Variants in SSH1 observed in about 807,000 individuals in gnomAD.
SSH1 encodes protein phosphatase Slingshot homolog 1.
Under a neutral mutation model 79.7 loss-of-function variants are expected in SSH1, and 43 were observed. The observed-to-expected ratio is 0.54, with a 90% CI of 0.42 to 0.70. SSH1 has a LOEUF of 0.70. Among genes scored for constraint, SSH1 ranks in the 30% least tolerant of loss-of-function variants. The pLI, the probability that SSH1 is intolerant of heterozygous loss-of-function variation, is 0.00. For synonymous variants in SSH1, 599 were observed against 538.3 expected (o/e 1.11, Z -1.56); for missense variants, 1,206 against 1,358.8 (o/e 0.89, Z 1.77).
intron 1 of SSH1, among the ~76,000 whole-genome samples, chr12:108,854,923 A>C (rs1420630747): frequency 2.0e-5 from 3 of 152,198 alleles, no homozygotes; most frequent in Non-Finnish European, 4.4e-5. Flanking sequence ...ACACATCTGA[A>C]CGAGGGCCTT....
intron 1 of SSH1, among the ~76,000 whole-genome samples, chr12:108,854,244 C>A (rs1215395149): frequency 6.6e-6 from 1 of 152,126 alleles, no homozygotes; most frequent in Non-Finnish European, 1.5e-5. Context: ...CAGGATGGTC[C>A]CCCCACAAGA....
At chr12:108,845,497 G>A (rs1224933823) in intron 2 of SSH1, among the ~76,000 whole-genome samples, 1 of 152,142 alleles carries the variant, frequency 6.6e-6, no homozygotes, top group Non-Finnish European at 1.5e-5. Flanking sequence ...AGACCAACCT[G>A]CCCGACATGA....
intron 2 of SSH1, among the ~76,000 whole-genome samples, chr12:108,850,664 G>A (rs535469924): frequency 1.1e-5 from 1 of 91,972 alleles, no homozygotes; most frequent in Admixed American, 1.1e-4. Context: ...GGATTGGGGA[G>A]GGATGGTTAG....
chr12:108,816,626 A>G (rs1039318386), intron 5 of SSH1, among the ~76,000 whole-genome samples: 2 of 152,142 alleles, frequency 1.3e-5, no homozygotes, highest in Admixed American at 6.5e-5. Context: ...GAGGCCCACC[A>G]ATCTCCATAC....
chr12:108,825,202 A>G (rs1244954262), intron 2 of SSH1, among the ~76,000 whole-genome samples: 1 of 152,236 alleles, frequency 6.6e-6, no homozygotes, highest in African/African-American at 2.4e-5. Context: ...AAGAAAAAGC[A>G]GTCTTCTAAT....
rs148368166 is a variant in SSH1, at chr12:108,813,506, G to T, written c.402-2178C>A. Among the ~76,000 whole-genome samples the T allele has an allele frequency of 3.8e-4, 57 of 151,470 alleles. No individual in the cohort carries two copies. In the East Asian group the frequency reaches 8.5e-3, roughly 23 times the overall value. On this transcript the variant is annotated intron_variant, in intron 5 of 14. Coordinates refer to ENST00000326495, the MANE Select transcript of SSH1 (RefSeq NM_018984.4). ...AGACAAGAGGACTGCTTGAGCCCAG[G>T]AGTTTGAGACCAGCCTGGGCAATAG...
intron 2 of SSH1, among the ~76,000 whole-genome samples, chr12:108,836,160 G>A (rs2038625065): frequency 6.6e-6 from 1 of 151,410 alleles, no homozygotes; most frequent in African/African-American, 2.4e-5. Context: ...TCATGAATAT[G>A]GAGAGACAAA....
chr12:108,809,583 C>T, intron 7 of SSH1, 110 bp downstream of exon 7: 3 of 929,530 alleles, frequency 3.2e-6, no homozygotes, highest in Non-Finnish European at 5.4e-6. Context: ...TTGCGCCTCC[C>T]TCAACATGCA....
At chr12:108,801,003 GAGAAA>G (rs2036977437) in intron 11 of SSH1, 77 bp from the exon 12 acceptor site, 7 of 1,460,474 alleles carry the variant, frequency 4.8e-6, no homozygotes, top group Non-Finnish European at 5.7e-6. Flanking sequence ...AAAACTGGCA[GAGAAA>G]AGAAAAGGAA....
At position 108,792,480 on chromosome 12, in the gene SSH1, C is replaced by G; in HGVS notation, c.1699G>C (p.Asp567His). The G allele has an allele frequency of 6.2e-7, 1 of 1,614,236 alleles. No homozygotes were observed. Among genetic ancestry groups the G allele is most frequent in the Non-Finnish European group, 8.5e-7 (1 of 1,180,046 alleles). Reference protein sequence around the residue: ...PQQGSGLCEKDVKKKLEFGSP... With the variant: ...PQQGSGLCEKHVKKKLEFGSP... ...CCAAACTCTAGTTTCTTCTTCACAT[C>G]CTTCTCACAGAGTCCGGAACCTTGC... Residue 567 changes from aspartate (D) to histidine (H), a missense_variant, in exon 14 of 15, where the codon GAT (aspartate) becomes CAT (histidine). This residue lies in a region of SSH1 where 709 missense variants were observed against 730.6 expected (regional missense o/e 0.97). Coordinates refer to ENST00000326495, the MANE Select transcript of SSH1 (RefSeq NM_018984.4).
At chr12:108,795,191 T>C (rs537852514) in intron 13 of SSH1, among the ~76,000 whole-genome samples, 41 of 152,308 alleles carry the variant, frequency 2.7e-4, no homozygotes, top group African/African-American at 8.7e-4. Context: ...GCCTCGGTCA[T>C]TTGGCTTGAT....
chr12:108,811,521 G>C, intron 5 of SSH1, 193 bp from the exon 6 acceptor site: 1 of 641,762 alleles, frequency 1.6e-6, no homozygotes, highest in Non-Finnish European at 2.9e-6. Context: ...AACTCCGTAA[G>C]TGCTCAGCTG....
chr12:108,802,435 C>T, intron 10 of SSH1, 67 bp from the exon 11 acceptor site: 1 of 1,489,306 alleles, frequency 6.7e-7, no homozygotes. Context: ...TCAGGGGATG[C>T]ATGGTTTGCC....
rs779306324 is a variant in SSH1 at position 108,792,173 on chromosome 12, A to G, written c.1893+113T>C. The G allele has an allele frequency of 2.9e-5, 45 of 1,559,990 alleles. No individual in the cohort carries two copies. The East Asian group carries it at 9.5e-4, about 33-fold the overall frequency. On this transcript the variant is annotated intron_variant, in intron 14 of 14. Coordinates refer to ENST00000326495, the MANE Select transcript of SSH1 (RefSeq NM_018984.4). ...CCAGAGGAGACAATAGAAAAAAATC[A>G]GCTGGGTGTGGTGGCGGGTGCCTGT...
intron 1 of SSH1, among the ~76,000 whole-genome samples, chr12:108,853,637 ACACCAGCCC>A (rs1015724390): frequency 2.7e-4 from 41 of 152,100 alleles, no homozygotes; most frequent in African/African-American, 9.2e-4. Flanking sequence ...AAGAATGAGT[ACACCAGCCC>A]GGCGCAGTGG....
At chr12:108,817,410 A>G (rs977907469) in intron 4 of SSH1, 2 of 430,950 alleles carry the variant, frequency 4.6e-6, no homozygotes, top group Admixed American at 3.4e-5. Flanking sequence ...CCCATCTCTT[A>G]CTAAAAATAC....
intron 7 of SSH1, among the ~76,000 whole-genome samples, 178 bp downstream of exon 7, chr12:108,809,515 C>T (rs1041943800): frequency 1.3e-4 from 19 of 151,630 alleles, no homozygotes; most frequent in Non-Finnish European, 1.5e-4. Context: ...TACTTAATGC[C>T]GCTAAAAATT....
intron 13 of SSH1, 82 bp from the exon 14 acceptor site, chr12:108,792,911 G>A: frequency 6.4e-7 from 1 of 1,572,828 alleles, no homozygotes; most frequent in Non-Finnish European, 8.7e-7. Context: ...GTGAGCCAGT[G>A]AGGGGCTGCC....
At position 108,783,796 on chromosome 12, in the gene SSH1, T is replaced by C. The variant is rs2036195497; in HGVS notation, c.*4192A>G. ...CACAGGCATTCCACTGCAGAGCAGA[T>C]GATAACAAAACAAGTGGCTGGGGAC... On this transcript the variant is annotated 3_prime_UTR_variant, in exon 15 of 15. Coordinates refer to ENST00000326495, the MANE Select transcript of SSH1 (RefSeq NM_018984.4). 1 of 150,978 alleles carries C rather than the reference T, an allele frequency of 6.6e-6. No homozygotes were observed. The highest frequency in any genetic ancestry group is 1.5e-5 in the Non-Finnish European group (1 of 68,064). The allele number at this position is 150,978 out of a possible 1,614,324, so 9.4% of individuals were successfully genotyped here. A position where few individuals can be genotyped will look rare whatever the true frequency, so the allele number is the denominator to read the frequency against.
Sources: allele counts gnomAD v4.1 joint callset (sites outside exome capture counted in the v4.1 genomes callset), GRCh38; gene constraint gnomAD v4.1.1; regional missense constraint gnomAD v4.1.1; transcripts MANE v1.5; gene names NCBI Gene and HGNC (gene_info 2026-07-23, HGNC 2026-07-21).